Variants in DMRTC2 observed in about 807,000 individuals in gnomAD.
The protein encoded by DMRTC2 is doublesex- and mab-3-related transcription factor C2.
Under a neutral mutation model 39.9 loss-of-function variants are expected in DMRTC2, and 13 were observed. The observed-to-expected ratio is 0.33, with a 90% CI of 0.21 to 0.52. The LOEUF (loss-of-function observed/expected upper bound fraction) is 0.52, where lower values mean the gene tolerates loss of function less well. Among genes scored for constraint, DMRTC2 ranks in the 20% least tolerant of loss-of-function variants. DMRTC2 has a pLI of 0.96. For missense variants in DMRTC2, 431 were observed against 472.8 expected (o/e 0.91, Z 0.82); for synonymous variants, 189 against 185.2 (o/e 1.02, Z -0.17).
Position 41,848,469 on chromosome 19 carries a change from G to A in DMRTC2, c.388G>A (p.Ala130Thr), listed in dbSNP as rs1555836508. 6.2e-7 allele frequency: 1 copy of A among 1,604,826 alleles called. No individual in the cohort carries two copies. Among genetic ancestry groups the A allele is most frequent in the Non-Finnish European group, 8.5e-7 (1 of 1,175,808 alleles). The change falls in exon 4 of 9, where the codon GCA becomes ACA. Residue 130 changes from alanine to threonine, a missense_variant. Ala to Thr is a moderately conservative substitution (Grantham distance 58). Transcript: ENST00000269945. ...CTTCACAGCTGGAAAGGAGAACATA[G>A]CACCCCAGCCTCAGACCCCCCATGG... ...PQVPSGKENI[A>T]PQPQTPHGAV...
chr19:41,847,357 C>A, intron 1 of DMRTC2, 68 bp from the exon 2 acceptor site: 1 of 1,494,434 alleles, frequency 6.7e-7, no homozygotes, highest in South Asian at 1.4e-5. Flanking sequence ...CAGGTGTGGT[C>A]TCCAGGGCAG....
At position 41,845,078 on chromosome 19, in the gene DMRTC2, A is replaced by C. The variant is rs1478114708; in HGVS notation, c.-28A>C. On this transcript the variant is annotated 5_prime_UTR_variant, in exon 1 of 9. Coordinates refer to ENST00000269945, the MANE Select transcript of DMRTC2 (RefSeq NM_001040283.3). ...GTGTCTTTGGGCGTCTTCTTGACTG[A>C]ATCTGACTCCATTGGAGGCTGTGGT... 1 of 152,202 alleles carries C rather than the reference A, an allele frequency of 6.6e-6. No homozygotes were observed. Among genetic ancestry groups the C allele is most frequent in the African/African-American group, 2.4e-5 (1 of 41,432 alleles). 9.4% of individuals were successfully genotyped at this position (152,202 alleles called of 1,614,324 possible). A position where few individuals can be genotyped will look rare whatever the true frequency, so the allele number is the denominator to read the frequency against.
intron 3 of DMRTC2, 31 bp from the exon 4 acceptor site, chr19:41,848,421 G>T (rs782186657): frequency 6.4e-7 from 1 of 1,572,008 alleles, no homozygotes; most frequent in Non-Finnish European, 8.6e-7. Flanking sequence ...AGGAGAAAGG[G>T]CTCATTAGAG....
At chr19:41,850,229 T>C in intron 6 of DMRTC2, 83 bp from the exon 7 acceptor site, 1 of 1,178,154 alleles carries the variant, frequency 8.5e-7, no homozygotes, top group Non-Finnish European at 1.1e-6. Context: ...GATCAAAACA[T>C]GGCAAAATCC....
Position 41,849,180 on chromosome 19 carries a change from A to G in DMRTC2, c.679A>G (p.Thr227Ala), listed in dbSNP as rs2073917317. The G allele has an allele frequency of 6.2e-7, 1 of 1,613,884 alleles. No homozygotes were observed. The highest frequency in any genetic ancestry group is 1.3e-5 in the African/African-American group (1 of 74,840). ...GCTGCCCACTCATGGGCCCTTCACC[A>G]CCTGCCCAGGATCTCACCCAGTACT... The part of the protein sequence containing the change: ...LQLPTHGPFT[T>A]CPGSHPVLTA... The change falls in exon 6 of 9, where the codon ACC (threonine) becomes GCC (alanine). Residue 227 changes from threonine (T) to alanine (A), a missense_variant. By Grantham distance (58) the Thr-to-Ala change is moderately conservative (BLOSUM62 0). Transcript: ENST00000269945.
Position 41,848,439 on chromosome 19 carries a change from T to C in DMRTC2, c.371-13T>C. 6.3e-7 allele frequency: 1 copy of C among 1,594,908 alleles called. No homozygotes were observed. The highest frequency in any genetic ancestry group is 8.5e-7 in the Non-Finnish European group (1 of 1,170,712). ...AGAAAGGGCTCATTAGAGCTCTCCC[T>C]GGTCCTTCACAGCTGGAAAGGAGAA... On this transcript the variant is annotated splice_polypyrimidine_tract_variant and intron_variant, in intron 3 of 8. Coordinates refer to ENST00000269945, the MANE Select transcript of DMRTC2 (RefSeq NM_001040283.3).
chr19:41,848,518 C>G lies in DMRTC2; in HGVS notation c.437C>G (p.Pro146Arg). The G allele has an allele frequency of 6.3e-7, 1 of 1,595,056 alleles. No individual in the cohort carries two copies. The highest frequency in any genetic ancestry group is 8.5e-7 in the Non-Finnish European group (1 of 1,171,006). Residue 146 changes from proline (P) to arginine (R), a missense_variant, in exon 4 of 9, where the codon CCC becomes CGC. Coordinates refer to ENST00000269945, the MANE Select transcript of DMRTC2 (RefSeq NM_001040283.3). ...GGGGCAGTCCTGCTGGCACCGACACCCCCCGGGAAGGTAAGGAGAGGCTGG... is the reference window on the plus strand; with the variant it reads ...GGGGCAGTCCTGCTGGCACCGACACGCCCCGGGAAGGTAAGGAGAGGCTGG... ...PHGAVLLAPT[P>R]PGKNSCGPLL... is the part of the protein sequence containing the mutation.
chr19:41,851,430 G>C (rs1419746731), intron 8 of DMRTC2, 154 bp from the exon 9 acceptor site: 3 of 630,482 alleles, frequency 4.8e-6, no homozygotes, highest in Non-Finnish European at 8.4e-6. Flanking sequence ...CGGTTTGGAG[G>C]AGGCAAGACT....
chr19:41,848,396 G>T, intron 3 of DMRTC2, 56 bp from the exon 4 acceptor site: 1 of 1,456,600 alleles, frequency 6.9e-7, no homozygotes, highest in Non-Finnish European at 9.3e-7. Context: ...CTGGGGTTGG[G>T]GTAGGATAGG....
At chr19:41,846,433 C>T (rs1052428718) in intron 1 of DMRTC2, among the ~76,000 whole-genome samples, 3 of 152,050 alleles carry the variant, frequency 2.0e-5, no homozygotes, top group Non-Finnish European at 2.9e-5. Flanking sequence ...GAATGTCGGG[C>T]GCAGCAGCTC....
At chr19:41,848,666 T>A (rs1316662881) in intron 4 of DMRTC2, 129 bp from the exon 5 acceptor site, 1 of 1,514,156 alleles carries the variant, frequency 6.6e-7, no homozygotes, top group Non-Finnish European at 9.1e-7. Flanking sequence ...TGCTCTTCTC[T>A]AGGCAAAATG....
chr19:41,850,817 G>A, intron 8 of DMRTC2, 117 bp downstream of exon 8: 2 of 1,106,268 alleles, frequency 1.8e-6, no homozygotes, highest in Non-Finnish European at 2.5e-6. Context: ...TCAGGCCCAG[G>A]ACCCCAAGCT....
Position 41,851,538 on chromosome 19 carries a change from G to A in DMRTC2, c.992-46G>A. 1.9e-6 allele frequency: 3 copies of A among 1,543,272 alleles called. No homozygotes were observed. In the South Asian group the frequency reaches 3.4e-5, roughly 17 times the overall value. On this transcript the variant is annotated intron_variant, in intron 8 of 8. Coordinates refer to ENST00000269945, the MANE Select transcript of DMRTC2 (RefSeq NM_001040283.3). ...GGTAAAAAGAGGGGGTTGCTAGAAG[G>A]AAAAACAGGTGTGACCTGATCCTGC...
At chr19:41,845,615 T>C (rs1390779035) in intron 1 of DMRTC2, among the ~76,000 whole-genome samples, 2 of 152,200 alleles carry the variant, frequency 1.3e-5, no homozygotes, top group East Asian at 3.9e-4. Flanking sequence ...TTGAGGCAGG[T>C]CAGGAGTTCA....
intron 8 of DMRTC2, chr19:41,851,314 G>T (rs2073953026): frequency 4.8e-6 from 2 of 417,472 alleles, no homozygotes; most frequent in South Asian, 7.5e-5. Flanking sequence ...TAGGTGTCTA[G>T]AACAGCAACT....
chr19:41,851,440 T>G, intron 8 of DMRTC2, 144 bp from the exon 9 acceptor site: 1 of 669,388 alleles, frequency 1.5e-6, no homozygotes, highest in South Asian at 1.9e-5. Flanking sequence ...GAGGCAAGAC[T>G]GGAGGTGGGA....
intron 1 of DMRTC2, among the ~76,000 whole-genome samples, chr19:41,846,668 C>T (rs1248361480): frequency 2.0e-5 from 3 of 152,008 alleles, no homozygotes; most frequent in Admixed American, 1.3e-4. Context: ...CCCGGGTTCA[C>T]GCCATTCTCC....
Position 41,848,824 on chromosome 19 carries a change from TC to T in DMRTC2, c.482del (p.Pro161ArgfsTer75). 1.2e-6 allele frequency: 2 copies of T among 1,609,790 alleles called. No individual in the cohort carries two copies. ...CCTGTGGGCCTCTGCTGCTCAGCCA[TC>T]CCCCGGAAGCCTCGCCCTTGTCCTG... ...NSCGPLLLSH[P>X]PEASPLSWTP... On this transcript the variant is annotated frameshift_variant, in exon 5 of 9. Coordinates refer to ENST00000269945, the MANE Select transcript of DMRTC2 (RefSeq NM_001040283.3). LOFTEE classifies it high-confidence loss of function.
rs2073963060 is a variant in DMRTC2 at position 41,851,969 on chromosome 19, G to T, written c.*273G>T. On this transcript the variant is annotated 3_prime_UTR_variant, in exon 9 of 9. Transcript: ENST00000269945. The stretch of plus-strand genomic sequence containing the variant: ...TCTCTTGAAATCCCCAATAAAGAGA[G>T]AGTTGTGCTATTTAAGCTGACCAGT... 2.2e-6 allele frequency: 1 copy of T among 462,082 alleles called. No homozygotes were observed. Among genetic ancestry groups the T allele is most frequent in the Non-Finnish European group, 3.9e-6 (1 of 256,962 alleles). 28.6% of individuals were successfully genotyped at this position (462,082 alleles called of 1,614,324 possible). A position where few individuals can be genotyped will look rare whatever the true frequency, so the allele number is the denominator to read the frequency against.
Sources: gnomAD v4.1 joint callset for allele counts (sites outside exome capture counted in the v4.1 genomes callset) on GRCh38, gnomAD v4.1.1 for gene constraint, MANE v1.5 for transcripts, NCBI Gene and HGNC (gene_info 2026-07-23, HGNC 2026-07-21) for gene names.